The following CTNND2 variants were observed in gnomAD, a reference collection of about 807,000 sequenced individuals.
CTNND2 encodes the protein catenin delta 2.
In CTNND2, 22 loss-of-function variants were observed where a neutral mutation model predicts 144.4. The observed-to-expected ratio is 0.15, with a 90% CI of 0.11 to 0.22. The LOEUF is 0.22. CTNND2 is among the 10% of genes least tolerant of loss of function. CTNND2 has a pLI of 1.00. For missense variants in CTNND2, 1,353 were observed against 1,618.8 expected (o/e 0.84, Z 2.82); for synonymous variants, 751 against 695.6 (o/e 1.08, Z -1.25).
chr5:11,583,406 T>G (rs1050389659), intron 2 of CTNND2, among the ~76,000 whole-genome samples: 8 of 152,194 alleles, frequency 5.3e-5, no homozygotes, highest in African/African-American at 1.9e-4. Context: ...CTAAGTGAGA[T>G]GCTTAAATTG....
chr5:11,416,547 C>T (rs1004351859), intron 3 of CTNND2, among the ~76,000 whole-genome samples: 3 of 152,112 alleles, frequency 2.0e-5, no homozygotes, highest in African/African-American at 4.8e-5. Context: ...ATGCAATTGC[C>T]TATTTTATGT....
chr5:11,129,824 T>C (rs1281387603), intron 12 of CTNND2, among the ~76,000 whole-genome samples: 2 of 152,152 alleles, frequency 1.3e-5, no homozygotes, highest in Admixed American at 6.6e-5. Context: ...CATAACATTA[T>C]GTGAAGCACC....
At chr5:11,095,981 A>T (rs937674161) in intron 15 of CTNND2, among the ~76,000 whole-genome samples, 1 of 150,156 alleles carries the variant, frequency 6.7e-6, no homozygotes, top group Non-Finnish European at 1.5e-5. Context: ...TCATTTGGGG[A>T]CTCCGTTTAC....
chr5:11,430,630 G>A (rs1026130292), intron 3 of CTNND2, among the ~76,000 whole-genome samples: 2 of 152,076 alleles, frequency 1.3e-5, no homozygotes, highest in Admixed American at 6.6e-5. Context: ...TTTAGTAAAC[G>A]TATGAAAACA....
intron 1 of CTNND2, among the ~76,000 whole-genome samples, chr5:11,765,975 G>T (rs1240417401): frequency 1.3e-5 from 2 of 152,042 alleles, no homozygotes; most frequent in Non-Finnish European, 2.9e-5. Context: ...AAAAGCTTGG[G>T]TTTTCTAAAA....
At chr5:11,042,132 G>C (rs1744748204) in intron 16 of CTNND2, among the ~76,000 whole-genome samples, 1 of 152,090 alleles carries the variant, frequency 6.6e-6, no homozygotes, top group South Asian at 2.1e-4. Context: ...ACTCAGTCTG[G>C]GGCCCTGCTG....
intron 16 of CTNND2, among the ~76,000 whole-genome samples, chr5:11,062,819 A>C (rs1229574067): frequency 6.6e-6 from 1 of 152,218 alleles, no homozygotes; most frequent in Non-Finnish European, 1.5e-5. Context: ...ACGTGCTTGC[A>C]TGTTCTTTCA....
chr5:11,300,564 G>A (rs1394204067), intron 9 of CTNND2, among the ~76,000 whole-genome samples: 1 of 151,682 alleles, frequency 6.6e-6, no homozygotes, highest in Non-Finnish European at 1.5e-5. Flanking sequence ...CCCACACACA[G>A]TTCCCAGATT....
At chr5:11,723,483 TA>T (rs1347577316) in intron 2 of CTNND2, among the ~76,000 whole-genome samples, 1 of 151,982 alleles carries the variant, frequency 6.6e-6, no homozygotes, top group African/African-American at 2.4e-5. Context: ...ACCATTAAAG[TA>T]AGGGAAAAAG....
intron 3 of CTNND2, among the ~76,000 whole-genome samples, chr5:11,429,224 G>C (rs1463921787): frequency 6.6e-6 from 1 of 152,054 alleles, no homozygotes; most frequent in Non-Finnish European, 1.5e-5. Flanking sequence ...CTATAAACTT[G>C]AGCAAACTAA....
At chr5:11,021,430 A>G (rs1228059927) in intron 17 of CTNND2, among the ~76,000 whole-genome samples, 1 of 152,182 alleles carries the variant, frequency 6.6e-6, no homozygotes, top group East Asian at 1.9e-4. Context: ...AAGCACTTCA[A>G]TTAGAGATTC....
At chr5:11,902,120 C>T (rs548895778) in intron 1 of CTNND2, among the ~76,000 whole-genome samples, 10 of 152,278 alleles carry the variant, frequency 6.6e-5, no homozygotes, top group African/African-American at 2.4e-4. Flanking sequence ...TAATCAAAGG[C>T]CTCCCAAATT....
chr5:11,309,631 G>A (rs145115426), intron 9 of CTNND2, among the ~76,000 whole-genome samples: 29 of 152,270 alleles, frequency 1.9e-4, no homozygotes, highest in African/African-American at 4.8e-4. Context: ...GGACTTTTGC[G>A]TAAATACTGA....
intron 2 of CTNND2, among the ~76,000 whole-genome samples, chr5:11,673,973 A>G (rs1784037316): frequency 6.6e-6 from 1 of 152,114 alleles, no homozygotes; most frequent in Non-Finnish European, 1.5e-5. Flanking sequence ...GGTATATTCA[A>G]CCTCAGTTTT....
chr5:11,797,179 A>G (rs1195199305), intron 1 of CTNND2, among the ~76,000 whole-genome samples: 1 of 152,224 alleles, frequency 6.6e-6, no homozygotes, highest in African/African-American at 2.4e-5. Context: ...AACAACTAGG[A>G]AAAGACTTTA....
intron 1 of CTNND2, among the ~76,000 whole-genome samples, chr5:11,879,240 T>C (rs1735791877): frequency 6.6e-6 from 1 of 151,348 alleles, no homozygotes; most frequent in African/African-American, 2.4e-5. Flanking sequence ...CAGAGGGAGA[T>C]ACAGTTAAAA....
rs1362598471 is a variant in CTNND2, at chr5:11,038,170, G to T, written c.2789-15191C>A. On this transcript the variant is annotated intron_variant, in intron 16 of 21. Coordinates refer to ENST00000304623, the MANE Select transcript of CTNND2 (RefSeq NM_001332.4). ...ACCATCCTCCCAGGACACTGGCTTG[G>T]TTCATGTTGTGTAGCTTAGGGCAGG... 3.4e-4 allele frequency among the ~76,000 whole-genome samples: 52 copies of T among 152,160 alleles called. 1 individual carries two copies.
At chr5:11,885,143 G>T (rs1273413977) in intron 1 of CTNND2, among the ~76,000 whole-genome samples, 1 of 152,060 alleles carries the variant, frequency 6.6e-6, no homozygotes, top group Non-Finnish European at 1.5e-5. Context: ...CTGTTTCCTT[G>T]TCTGGTTTTG....
At chr5:11,865,839 G>T (rs1218578107) in intron 1 of CTNND2, among the ~76,000 whole-genome samples, 1 of 143,720 alleles carries the variant, frequency 7.0e-6, no homozygotes, top group Non-Finnish European at 1.5e-5. Flanking sequence ...CACGGTCTTT[G>T]AACATGGAGG....
Sources: allele counts gnomAD v4.1 joint callset (sites outside exome capture counted in the v4.1 genomes callset), GRCh38; gene constraint gnomAD v4.1.1; transcripts MANE v1.5; gene names NCBI Gene and HGNC (gene_info 2026-07-23, HGNC 2026-07-21).